MYPOP: variants seen among roughly 807,000 people sequenced by gnomAD.
MYPOP encodes myb-related transcription factor, partner of profilin.
A neutral mutation model predicts 25.7 loss-of-function variants in MYPOP; 21 were observed. The observed-to-expected ratio is 0.82, with a 90% CI of 0.58 to 1.18. MYPOP has a LOEUF of 1.18. Ranked by LOEUF, MYPOP falls within the 50% of genes most tolerant of loss-of-function variation. The probability of loss-of-function intolerance (pLI) is 0.00; values close to 1 mark genes in which losing one functional copy is unlikely to be tolerated. For missense variants in MYPOP, 566 were observed against 588.3 expected (o/e 0.96, Z 0.39); for synonymous variants, 280 against 247.9 (o/e 1.13, Z -1.22).
Position 45,890,239 on chromosome 19 carries a change from G to C in MYPOP, c.*384C>G, listed in dbSNP as rs1967096738. 1 of 185,358 alleles carries C rather than the reference G, an allele frequency of 5.4e-6. No homozygotes were observed. The highest frequency in any genetic ancestry group is 2.4e-5 in the African/African-American group (1 of 42,510). The allele number at this position is 185,358 out of a possible 1,614,324, so 11.5% of individuals were successfully genotyped here. A position where few individuals can be genotyped will look rare whatever the true frequency, so the allele number is the denominator to read the frequency against. ...ACAACTCCCACCCGCTCCAAAGTCT[G>C]GGTTGGGGAGGTGGGGAGTCCCCCA... On this transcript the variant is annotated 3_prime_UTR_variant, in exon 3 of 3. Transcript: ENST00000322217.
At position 45,901,872 on chromosome 19, in the gene MYPOP, C is replaced by A. The variant is rs1326211043; in HGVS notation, c.-52-47G>T. 121 of 995,952 alleles carry A rather than the reference C, an allele frequency of 1.2e-4. No individual in the cohort carries two copies. The highest frequency in any genetic ancestry group is 1.5e-4 in the Non-Finnish European group (118 of 772,572). 61.7% of individuals were successfully genotyped at this position (995,952 alleles called of 1,614,324 possible). ...GGCTGGCTGGGGTTCGGGGTCCCCCCGCCGCCGCCTCTCCCAGACCGCCGG... is the reference window on the plus strand; with the variant it reads ...GGCTGGCTGGGGTTCGGGGTCCCCCAGCCGCCGCCTCTCCCAGACCGCCGG... On this transcript the variant is annotated intron_variant, in intron 1 of 2. Transcript: ENST00000322217. This position sits in a 1 kb window ranked among gnomAD's most constrained non-coding sequence, Gnocchi z 5.7.
chr19:45,890,562 C>T lies in MYPOP; in HGVS notation c.*61G>A. 1.3e-6 allele frequency: 2 copies of T among 1,584,716 alleles called. No homozygotes were observed. Among genetic ancestry groups the T allele is most frequent in the Non-Finnish European group, 8.6e-7 (1 of 1,163,910 alleles). ...CAGCTGGGATGGGCAGAGAGCATCG[C>T]CCCCCTCGACTGCGCCAAGCTGGGG... On this transcript the variant is annotated 3_prime_UTR_variant, in exon 3 of 3. Transcript: ENST00000322217.
intron 2 of MYPOP, among the ~76,000 whole-genome samples, chr19:45,894,042 G>C (rs959158119): frequency 1.3e-5 from 2 of 151,690 alleles, no homozygotes; most frequent in African/African-American, 4.8e-5. Flanking sequence ...GCCCACCTCA[G>C]CCTCCCAAAG....
intron 2 of MYPOP, among the ~76,000 whole-genome samples, chr19:45,896,650 G>A (rs560209176): frequency 6.3e-5 from 9 of 142,778 alleles, no homozygotes; most frequent in East Asian, 2.1e-4. Context: ...ACGGAGTCTC[G>A]CTCTGTCGCC....
chr19:45,892,401 G>C (rs1165839552), intron 2 of MYPOP, among the ~76,000 whole-genome samples: 1 of 152,076 alleles, frequency 6.6e-6, no homozygotes, highest in Non-Finnish European at 1.5e-5. Context: ...AGCCTGGTAG[G>C]TTTCCTCAGT....
chr19:45,895,490 C>T (rs1191579047), intron 2 of MYPOP, among the ~76,000 whole-genome samples: 1 of 151,790 alleles, frequency 6.6e-6, no homozygotes, highest in Non-Finnish European at 1.5e-5. Context: ...TTCTTTTTTT[C>T]TCCCCTAACC....
intron 2 of MYPOP, among the ~76,000 whole-genome samples, chr19:45,893,812 G>A (rs1967161594): frequency 7.2e-6 from 1 of 139,770 alleles, no homozygotes; most frequent in Admixed American, 7.3e-5. Context: ...TTTTTGAGAT[G>A]GGAGTCTCAC....
chr19:45,899,093 G>A (rs1967250092), intron 2 of MYPOP, among the ~76,000 whole-genome samples: 1 of 152,204 alleles, frequency 6.6e-6, no homozygotes, highest in South Asian at 2.1e-4. Context: ...AGGCATGGTG[G>A]CGCATGCCTG....
At chr19:45,898,147 ACTC>A (rs1967233909) in intron 2 of MYPOP, among the ~76,000 whole-genome samples, 1 of 143,276 alleles carries the variant, frequency 7.0e-6, no homozygotes, top group South Asian at 2.2e-4. Flanking sequence ...CTGGTCTTGA[ACTC>A]CTAACCTCAG....
Position 45,890,762 on chromosome 19 carries a change from C to G in MYPOP, c.1061G>C (p.Gly354Ala). The change falls in exon 3 of 3, where the codon GGA becomes GCA. Residue 354 changes from glycine to alanine, a missense_variant. Coordinates refer to ENST00000322217, the MANE Select transcript of MYPOP (RefSeq NM_001012643.4). ...VVDGAVVAARGVIIAPRSEEG... is the reference protein window; with the variant it reads ...VVDGAVVAARAVIIAPRSEEG... Reference sequence around the variant, plus strand: ...CTCGCTCCTTGGGGCAATGATCACTCCCCTGGCTGCCACCACTGCCCCGTC... The same window carrying G: ...CTCGCTCCTTGGGGCAATGATCACTGCCCTGGCTGCCACCACTGCCCCGTC... The G allele has an allele frequency of 6.5e-7, 1 of 1,535,794 alleles. No individual in the cohort carries two copies. The highest frequency in any genetic ancestry group is 8.8e-7 in the Non-Finnish European group (1 of 1,139,604).
intron 2 of MYPOP, among the ~76,000 whole-genome samples, chr19:45,898,076 AC>A (rs199606661): frequency 0.077 from 11,633 of 151,806 alleles, 673 homozygotes; most frequent in East Asian, 0.3. Flanking sequence ...GGCGTGTGCC[AC>A]CACGTCCAGC....
At position 45,890,416 on chromosome 19, in the gene MYPOP, G is replaced by A. The variant is rs1466573658; in HGVS notation, c.*207C>T. The A allele has an allele frequency of 7.3e-6, 5 of 683,696 alleles. No homozygotes were observed. Among genetic ancestry groups the A allele is most frequent in the Admixed American group, 3.6e-5 (1 of 27,806 alleles). 42.4% of individuals were successfully genotyped at this position (683,696 alleles called of 1,614,324 possible). On this transcript the variant is annotated 3_prime_UTR_variant, in exon 3 of 3. Transcript: ENST00000322217. ...CAGGGTTAAGGGAGGCAGCCAGGCA[G>A]ACAGCACTGTACCAGAGAAAGGGGT... is the stretch of plus-strand genomic sequence containing the variant.
intron 2 of MYPOP, among the ~76,000 whole-genome samples, chr19:45,899,937 T>C (rs148242538): frequency 6.6e-6 from 1 of 152,362 alleles, no homozygotes; most frequent in East Asian, 1.9e-4. Context: ...CATTAACTCC[T>C]GGTCAATATT....
intron 2 of MYPOP, among the ~76,000 whole-genome samples, chr19:45,895,131 G>A (rs1967184411): frequency 6.6e-6 from 1 of 152,176 alleles, no homozygotes; most frequent in African/African-American, 2.4e-5. Flanking sequence ...GGCCTCTAGG[G>A]CCCTGCACGA....
chr19:45,901,592 G>C lies in MYPOP; in HGVS notation c.182C>G (p.Ala61Gly). The C allele has an allele frequency of 6.2e-7, 1 of 1,611,542 alleles. No homozygotes were observed. The highest frequency in any genetic ancestry group is 8.5e-7 in the Non-Finnish European group (1 of 1,179,520). Reference sequence around the variant, plus strand: ...CCAGCTGGTGATACCGTTGATCTTGGCGGCGATGCCGTCCCACACGCGCCG... The same window carrying C: ...CCAGCTGGTGATACCGTTGATCTTGCCGGCGATGCCGTCCCACACGCGCCG... ...ERRRVWDGIA[A>G]KINGITSWKR... Residue 61 changes from alanine to glycine, a missense_variant, in exon 2 of 3, where the codon GCC becomes GGC. Physicochemically the swap from Ala to Gly is moderately conservative, Grantham distance 60. Coordinates refer to ENST00000322217, the MANE Select transcript of MYPOP (RefSeq NM_001012643.4). The surrounding 1 kb of genome is among the most constrained non-coding windows in gnomAD (Gnocchi z 5.7).
intron 2 of MYPOP, among the ~76,000 whole-genome samples, chr19:45,894,369 T>C (rs1252997246): frequency 1.3e-5 from 2 of 152,040 alleles, no homozygotes; most frequent in African/African-American, 4.8e-5. Context: ...TGCCTTGGCC[T>C]CCCAAAGTGC....
At position 45,901,929 on chromosome 19, in the gene MYPOP, G is replaced by T; in HGVS notation, c.-52-104C>A. 1.8e-6 allele frequency: 1 copy of T among 545,072 alleles called. No individual in the cohort carries two copies. The highest frequency in any genetic ancestry group is 2.7e-6 in the Non-Finnish European group (1 of 368,764). The allele number at this position is 545,072 out of a possible 1,614,324, so 33.8% of individuals were successfully genotyped here. A position where few individuals can be genotyped will look rare whatever the true frequency, so the allele number is the denominator to read the frequency against. ...AGCTCCTTAGTCCCCGGGGGCAGGA[G>T]TGGGGGCGGGGGGCGGGCGGGGGCG... On this transcript the variant is annotated intron_variant, in intron 1 of 2. Transcript: ENST00000322217. The surrounding 1 kb of genome is among the most constrained non-coding windows in gnomAD (Gnocchi z 5.7).
rs548064926 is a variant in MYPOP at position 45,890,873 on chromosome 19, G to A, written c.950C>T (p.Pro317Leu). The A allele has an allele frequency of 7.8e-6, 11 of 1,418,856 alleles. No individual in the cohort carries two copies. Among genetic ancestry groups the A allele is most frequent in the South Asian group, 4.5e-5 (3 of 66,598 alleles). The allele number at this position is 1,418,856 out of a possible 1,614,324, so 87.9% of individuals were successfully genotyped here. Residue 317 changes from proline to leucine, a missense_variant, in exon 3 of 3, where the codon CCG becomes CTG. Physicochemically the swap from Pro to Leu is moderately conservative, Grantham distance 98. Coordinates refer to ENST00000322217, the MANE Select transcript of MYPOP (RefSeq NM_001012643.4). ...GGGCAGGACAGGCCTGGGAGGTGGC[G>A]GTGGGGGTGGGGGTGGGGGCAGAGG... ...PPPLPPPPPP[P>L]PPPRPVLPPP...
At position 45,890,618 on chromosome 19, in the gene MYPOP, A is replaced by G. The variant is rs771843493; in HGVS notation, c.*5T>C. The G allele has an allele frequency of 3.7e-6, 6 of 1,608,234 alleles. No homozygotes were observed. In the Middle Eastern group the frequency reaches 6.6e-4, roughly 177 times the overall value. ...GGTTGCAGGCAGGATCATAGATAGT[A>G]GATTTCACGGAGATTTCCATCGGCC... On this transcript the variant is annotated 3_prime_UTR_variant, in exon 3 of 3. Transcript: ENST00000322217.
Sources: allele counts gnomAD v4.1 joint callset (sites outside exome capture counted in the v4.1 genomes callset), GRCh38; gene constraint gnomAD v4.1.1; non-coding constraint Gnocchi (gnomAD v3.1); transcripts MANE v1.5; gene names NCBI Gene and HGNC (gene_info 2026-07-23, HGNC 2026-07-21).